Variants in CTTNBP2NL observed in about 807,000 individuals in gnomAD.
CTTNBP2NL encodes CTTNBP2 N-terminal-like protein.
In CTTNBP2NL, 16 loss-of-function variants were observed where a neutral mutation model predicts 32.5. The ratio of observed to expected loss-of-function variants is 0.49; its 90% CI spans 0.33 to 0.75. The LOEUF is 0.75. CTTNBP2NL is among the 30% of genes least tolerant of loss of function. The pLI is 0.02. For missense variants in CTTNBP2NL, 645 were observed against 756.0 expected (o/e 0.85, Z 1.72); for synonymous variants, 298 against 289.4 (o/e 1.03, Z -0.30).
chr1:112,443,035 G>C (rs1184343689), intron 3 of CTTNBP2NL, among the ~76,000 whole-genome samples: 1 of 152,176 alleles, frequency 6.6e-6, no homozygotes, highest in Non-Finnish European at 1.5e-5. Flanking sequence ...CTGGGGGCTA[G>C]AAGTGCCACA....
intron 3 of CTTNBP2NL, among the ~76,000 whole-genome samples, chr1:112,421,361 C>A (rs1256387389): frequency 7.3e-6 from 1 of 137,792 alleles, no homozygotes; most frequent in Non-Finnish European, 1.5e-5. Flanking sequence ...AGTGCAGTGG[C>A]ACAATCTCAG....
chr1:112,403,403 TA>T (rs1426232094), intron 1 of CTTNBP2NL, among the ~76,000 whole-genome samples: 1 of 111,252 alleles, frequency 9.0e-6, no homozygotes, highest in African/African-American at 5.7e-5. Flanking sequence ...ATTTTTTCAG[TA>T]TCTGAACCAG....
chr1:112,440,696 T>C (rs1372977984), intron 3 of CTTNBP2NL, among the ~76,000 whole-genome samples: 2 of 152,220 alleles, frequency 1.3e-5, no homozygotes. Flanking sequence ...TCAGCTAACA[T>C]AGTCAGCACT....
At chr1:112,392,978 C>G (rs1172822730), upstream of CTTNBP2NL, among the ~76,000 whole-genome samples, 1 of 152,124 alleles carries the variant, frequency 6.6e-6, no homozygotes, top group East Asian at 1.9e-4. Flanking sequence ...CTGCCTCAGT[C>G]TTCCAAGTAG....
At chr1:112,404,212 T>C (rs1648589663) in intron 1 of CTTNBP2NL, among the ~76,000 whole-genome samples, 1 of 152,252 alleles carries the variant, frequency 6.6e-6, no homozygotes, top group Admixed American at 6.5e-5. Context: ...TTACTGTCCC[T>C]GAAGAACCAT....
intron 2 of CTTNBP2NL, among the ~76,000 whole-genome samples, chr1:112,415,618 G>A (rs1192099340): frequency 2.0e-5 from 3 of 150,072 alleles, no homozygotes; most frequent in African/African-American, 7.4e-5. Context: ...GTACAGTGGC[G>A]TGGTCTCGGC....
intron 3 of CTTNBP2NL, among the ~76,000 whole-genome samples, chr1:112,447,820 T>G (rs1256365160): frequency 2.6e-5 from 4 of 152,226 alleles, no homozygotes; most frequent in Admixed American, 6.5e-5. Context: ...AATAGTAGTT[T>G]TCATAACCAG....
intron 3 of CTTNBP2NL, among the ~76,000 whole-genome samples, chr1:112,431,563 G>A (rs1308232005): frequency 3.3e-5 from 5 of 152,182 alleles, no homozygotes; most frequent in African/African-American, 1.2e-4. Context: ...CTACAAAACA[G>A]TTCTCTCACA....
Position 112,448,983 on chromosome 1 carries a change from A to G in CTTNBP2NL, c.141A>G (p.Lys47=). ...RDTFIEERYG[K]YNISDPLMAL... ...CTTTCATTGAAGAACGCTATGGAAA[A>G]TATAACATCAGTGATCCTTTAATGG... The change falls in exon 4 of 6, where the codon AAA becomes AAG. Residue 47 remains lysine (K), a synonymous_variant. Transcript: ENST00000271277. 1 of 1,613,272 alleles carries G rather than the reference A, an allele frequency of 6.2e-7. No individual in the cohort carries two copies. Among genetic ancestry groups the G allele is most frequent in the African/African-American group, 1.3e-5 (1 of 75,044 alleles).
chr1:112,448,617 A>G (rs1172693663), intron 3 of CTTNBP2NL, among the ~76,000 whole-genome samples: 1 of 152,216 alleles, frequency 6.6e-6, no homozygotes, highest in East Asian at 1.9e-4. Flanking sequence ...ACAGCTTGCT[A>G]GATGAGTAAC....
chr1:112,456,823 G>T lies in CTTNBP2NL; in HGVS notation c.1331G>T (p.Ser444Ile), dbSNP rs1310200951. The change falls in exon 6 of 6, where the codon AGC becomes ATC. Residue 444 changes from serine to isoleucine, a missense_variant. By Grantham distance (142) the Ser-to-Ile change is moderately radical. Transcript: ENST00000271277. ...TKRLLGSSAS[S>I]PGYQSSYQVG... Reference sequence around the variant, plus strand: ...CGTTTATTGGGGTCATCAGCTAGCAGCCCTGGCTACCAGTCATCGTACCAA... The same window carrying T: ...CGTTTATTGGGGTCATCAGCTAGCATCCCTGGCTACCAGTCATCGTACCAA... 6.2e-7 allele frequency: 1 copy of T among 1,614,064 alleles called. No individual in the cohort carries two copies. The highest frequency in any genetic ancestry group is 8.5e-7 in the Non-Finnish European group (1 of 1,180,036).
At chr1:112,423,793 G>T (rs577840967) in intron 3 of CTTNBP2NL, among the ~76,000 whole-genome samples, 23 of 152,192 alleles carry the variant, frequency 1.5e-4, no homozygotes, top group African/African-American at 5.3e-4. Context: ...ATGCGATCTC[G>T]GCTCACTGCA....
In CTTNBP2NL at chr1:112,456,083, A is replaced by C; in HGVS notation, c.591A>C (p.Gly197=). The C allele has an allele frequency of 1.2e-6, 2 of 1,614,176 alleles. No individual in the cohort carries two copies. Among genetic ancestry groups the C allele is most frequent in the Non-Finnish European group, 1.7e-6 (2 of 1,180,016 alleles). Residue 197 remains glycine (G), a synonymous_variant, in exon 6 of 6, where the codon GGA becomes GGC. Coordinates refer to ENST00000271277, the MANE Select transcript of CTTNBP2NL (RefSeq NM_018704.3). Reference sequence around the variant, plus strand: ...CCACCAACAAGGCAGCCGAGGAAGGACAGAAGGCAGGAGAGCTGAGCCTGA... The same window carrying C: ...CCACCAACAAGGCAGCCGAGGAAGGCCAGAAGGCAGGAGAGCTGAGCCTGA... ...KKATNKAAEE[G]QKAGELSLKL...
chr1:112,443,187 A>C lies in CTTNBP2NL; in HGVS notation c.100-5755A>C, dbSNP rs147328478. ...ATGGTTGCAGGTTGACTCCAGAGGG[A>C]ATATTTGAAGTTCATTCTATTTCAC... is the stretch of plus-strand genomic sequence containing the variant. On this transcript the variant is annotated intron_variant, in intron 3 of 5. Coordinates refer to ENST00000271277, the MANE Select transcript of CTTNBP2NL (RefSeq NM_018704.3). Among the ~76,000 whole-genome samples, 1,076 of 152,258 alleles carry C rather than the reference A, an allele frequency of 7.1e-3. 5 individuals carry two copies. Among genetic ancestry groups the C allele is most frequent in the Non-Finnish European group, 8.7e-3 (589 of 68,020 alleles).
chr1:112,449,808 G>C (rs1172640482), intron 4 of CTTNBP2NL, among the ~76,000 whole-genome samples: 2 of 151,460 alleles, frequency 1.3e-5, no homozygotes, highest in South Asian at 4.2e-4. Context: ...GTTATTTACA[G>C]TATTTACTTT....
At chr1:112,418,458 T>C (rs890606863) in intron 3 of CTTNBP2NL, among the ~76,000 whole-genome samples, 3 of 152,178 alleles carry the variant, frequency 2.0e-5, no homozygotes, top group African/African-American at 7.2e-5. Flanking sequence ...AACACATTAT[T>C]CAGTGTCTTG....
In CTTNBP2NL at chr1:112,456,398, T is replaced by G. The variant is rs146126245; in HGVS notation, c.906T>G (p.Thr302=). The part of the protein sequence containing the change: ...KPVTVSKGTA[T]EPLMLMSVFC... ...TAACCGTGTCCAAAGGCACAGCAACTGAGCCTCTCATGCTAATGTCTGTGT... is the reference window on the plus strand; with the variant it reads ...TAACCGTGTCCAAAGGCACAGCAACGGAGCCTCTCATGCTAATGTCTGTGT... The change falls in exon 6 of 6, where the codon ACT becomes ACG. Residue 302 remains threonine (T), a synonymous_variant. Transcript: ENST00000271277. The G allele has an allele frequency of 6.2e-7, 1 of 1,614,106 alleles. No homozygotes were observed. The highest frequency in any genetic ancestry group is 1.1e-5 in the South Asian group (1 of 91,088).
At chr1:112,429,652 A>G (rs1215813500) in intron 3 of CTTNBP2NL, among the ~76,000 whole-genome samples, 1 of 152,220 alleles carries the variant, frequency 6.6e-6, no homozygotes, top group South Asian at 2.1e-4. Context: ...ATGTGTAAAG[A>G]TACCCATTGC....
At chr1:112,415,061 T>G (rs1649015492) in intron 2 of CTTNBP2NL, among the ~76,000 whole-genome samples, 1 of 151,906 alleles carries the variant, frequency 6.6e-6, no homozygotes, top group African/African-American at 2.4e-5. Flanking sequence ...CGTGGTGGCA[T>G]GTATCGGTGA....
Sources: gnomAD v4.1 joint callset for allele counts (sites outside exome capture counted in the v4.1 genomes callset) on GRCh38, gnomAD v4.1.1 for gene constraint, MANE v1.5 for transcripts, NCBI Gene and HGNC (gene_info 2026-07-23, HGNC 2026-07-21) for gene names.